The following TRAIP variants were observed in gnomAD, a reference collection of about 807,000 sequenced individuals.
The protein encoded by TRAIP is TRAF interacting protein, also known as E3 ubiquitin-protein ligase TRAIP.
A neutral mutation model predicts 65.0 loss-of-function variants in TRAIP; 37 were observed. The observed-to-expected ratio is 0.57, with a 90% CI of 0.44 to 0.75. The LOEUF (loss-of-function observed/expected upper bound fraction) is 0.75. Among genes scored for constraint, TRAIP ranks in the 30% least tolerant of loss-of-function variants. The pLI is 0.00. For missense variants in TRAIP, 481 were observed against 579.4 expected (o/e 0.83, Z 1.74); for synonymous variants, 187 against 219.1 (o/e 0.85, Z 1.29).
Position 49,844,133 on chromosome 3 carries a change from CT to C in TRAIP, c.281-206del, listed in dbSNP as rs1209169859. 1.1e-5 allele frequency: 7 copies of C among 650,836 alleles called. No individual in the cohort carries two copies. In the Admixed American group the frequency reaches 2.1e-4, roughly 19 times the overall value. The allele number at this position is 650,836 out of a possible 1,614,324, so 40.3% of individuals were successfully genotyped here. On this transcript the variant is annotated intron_variant, in intron 4 of 14. Transcript: ENST00000331456. ...AGCCTTCATTCAGGGAAAAGCCCAC[CT>C]TCTGCTGCTTGAACTACTTAGGAAA...
At chr3:49,834,187 G>A (rs2081760892) in intron 10 of TRAIP, among the ~76,000 whole-genome samples, 2 of 152,190 alleles carry the variant, frequency 1.3e-5, no homozygotes, top group African/African-American at 4.8e-5. Flanking sequence ...TCTCTAGCCT[G>A]GAGTTCAGGG....
At chr3:49,844,201 G>A (rs2081864027) in intron 4 of TRAIP, among the ~76,000 whole-genome samples, 1 of 152,090 alleles carries the variant, frequency 6.6e-6, no homozygotes, top group Non-Finnish European at 1.5e-5. Flanking sequence ...GGTCCAGTTA[G>A]TTCATCAACC....
chr3:49,829,221 T>G lies in TRAIP; in HGVS notation c.1292A>C (p.Asp431Ala). Residue 431 changes from aspartate to alanine, a missense_variant, in exon 15 of 15, where the codon GAC becomes GCC. Coordinates refer to ENST00000331456, the MANE Select transcript of TRAIP (RefSeq NM_005879.3). ...GGRTKFIQPT[D>A]TVMIRPLPVK... ...AGGCAATGGGCGGATCATGACTGTGTCAGTCTGGAGGAGCTGTCAAGGAAG... is the reference window on the plus strand; with the variant it reads ...AGGCAATGGGCGGATCATGACTGTGGCAGTCTGGAGGAGCTGTCAAGGAAG... The G allele has an allele frequency of 6.2e-7, 1 of 1,614,186 alleles. No homozygotes were observed. Among genetic ancestry groups the G allele is most frequent in the Non-Finnish European group, 8.5e-7 (1 of 1,180,042 alleles).
At position 49,830,519 on chromosome 3, in the gene TRAIP, C is replaced by A. The variant is rs2081722244; in HGVS notation, c.1038-451G>T. 1.3e-5 allele frequency among the ~76,000 whole-genome samples: 2 copies of A among 152,184 alleles called. 1 individual carries two copies. Among genetic ancestry groups the A allele is most frequent in the South Asian group, 4.1e-4 (2 of 4,830 alleles). On this transcript the variant is annotated intron_variant, in intron 11 of 14. Coordinates refer to ENST00000331456, the MANE Select transcript of TRAIP (RefSeq NM_005879.3). ...GGGGACACTACCTCCACGAGAGCCT[C>A]AGTAAGTTAGCCTTTCAGTAAAGTA...
At chr3:49,830,932 C>T (rs2081726589) in intron 11 of TRAIP, among the ~76,000 whole-genome samples, 1 of 152,208 alleles carries the variant, frequency 6.6e-6, no homozygotes, top group Non-Finnish European at 1.5e-5. Context: ...TTCACTACCT[C>T]CACAGGCCAT....
intron 10 of TRAIP, among the ~76,000 whole-genome samples, chr3:49,838,427 T>C (rs2081806686): frequency 6.6e-6 from 1 of 152,218 alleles, no homozygotes; most frequent in Admixed American, 6.5e-5. Flanking sequence ...TATAATGTAG[T>C]ATATAGCTGG....
chr3:49,839,529 G>C (rs2081818933), intron 10 of TRAIP, among the ~76,000 whole-genome samples: 1 of 152,222 alleles, frequency 6.6e-6, no homozygotes, highest in Admixed American at 6.5e-5. Context: ...AAGACAGTCA[G>C]TGCTTCTGCC....
At chr3:49,837,186 A>G (rs988876268) in intron 10 of TRAIP, among the ~76,000 whole-genome samples, 2 of 152,136 alleles carry the variant, frequency 1.3e-5, no homozygotes, top group Non-Finnish European at 2.9e-5. Context: ...GGTCACTTGT[A>G]GTTCTGAGGG....
chr3:49,854,239 C>G (rs985270603), intron 1 of TRAIP, among the ~76,000 whole-genome samples: 1 of 152,140 alleles, frequency 6.6e-6, no homozygotes, highest in Admixed American at 6.6e-5. Flanking sequence ...GCAGGAGGAT[C>G]GCTTGAGTCC....
chr3:49,842,637 T>TGGA, intron 5 of TRAIP, 90 bp from the exon 6 acceptor site: 2 of 1,224,810 alleles, frequency 1.6e-6, no homozygotes, highest in Non-Finnish European at 1.2e-6. Context: ...CAGAACTCTC[T>TGGA]GCAGCTTATG....
chr3:49,847,841 G>C (rs1335955053), intron 2 of TRAIP, among the ~76,000 whole-genome samples: 1 of 152,166 alleles, frequency 6.6e-6, no homozygotes. Context: ...AGACCTACAC[G>C]GTTAAGTGCT....
chr3:49,829,084 T>C lies in TRAIP; in HGVS notation c.*19A>G, dbSNP rs758283329. ...CAAGTTGCAGGCATGTGTCTGGCCA[T>C]TGGTCAGACTCACTGTTCTCACGAC... On this transcript the variant is annotated 3_prime_UTR_variant, in exon 15 of 15. Coordinates refer to ENST00000331456, the MANE Select transcript of TRAIP (RefSeq NM_005879.3). 9 of 1,613,986 alleles carry C rather than the reference T, an allele frequency of 5.6e-6. No individual in the cohort carries two copies. In the East Asian group the frequency reaches 1.6e-4, roughly 28 times the overall value.
At chr3:49,837,069 C>T (rs559767675) in intron 10 of TRAIP, among the ~76,000 whole-genome samples, 12 of 150,070 alleles carry the variant, frequency 8.0e-5, no homozygotes, top group Admixed American at 4.0e-4. Flanking sequence ...GTGATCCTCT[C>T]ACCTCAGCCT....
chr3:49,830,492 G>T (rs1215710647), intron 11 of TRAIP, among the ~76,000 whole-genome samples: 1 of 152,200 alleles, frequency 6.6e-6, no homozygotes, highest in Non-Finnish European at 1.5e-5. Flanking sequence ...TCTTCCCAGA[G>T]AGGGGACACT....
At chr3:49,849,343 T>C (rs1252558663) in intron 1 of TRAIP, among the ~76,000 whole-genome samples, 3 of 139,018 alleles carry the variant, frequency 2.2e-5, no homozygotes, top group Non-Finnish European at 3.1e-5. Flanking sequence ...AAAAAAAGAG[T>C]GGCCGGGCGC....
chr3:49,829,229 G>A lies in TRAIP; in HGVS notation c.1288-4C>T, dbSNP rs146485772. 108 of 1,614,224 alleles carry A rather than the reference G, an allele frequency of 6.7e-5. No individual in the cohort carries two copies. The African/African-American group carries it at 8.0e-4, about 12-fold the overall frequency. On this transcript the variant is annotated splice_region_variant and splice_polypyrimidine_tract_variant and intron_variant, in intron 14 of 14. Transcript: ENST00000331456. ...GGCGGATCATGACTGTGTCAGTCTG[G>A]AGGAGCTGTCAAGGAAGAGGCATGG...
rs771502281 is a variant in TRAIP, at chr3:49,831,907, A to G, written c.1037+9T>C. 3.9e-6 allele frequency: 6 copies of G among 1,557,610 alleles called. No individual in the cohort carries two copies. The highest frequency in any genetic ancestry group is 2.4e-5 in the East Asian group (1 of 41,930). ...CAGCCCATGGACAGTGCCAGCGACT[A>G]TCACTCACTGTGACTTCTCTAGGCA... On this transcript the variant is annotated intron_variant, in intron 11 of 14. Coordinates refer to ENST00000331456, the MANE Select transcript of TRAIP (RefSeq NM_005879.3).
intron 2 of TRAIP, 21 bp downstream of exon 2, chr3:49,848,114 TTGAGGTGG>T: frequency 6.2e-7 from 1 of 1,613,294 alleles, no homozygotes; most frequent in East Asian, 2.2e-5. Flanking sequence ...ATCTCTTCAG[TTGAGGTGG>T]TCCCACCCCA....
chr3:49,829,311 AG>A (rs2081710807), intron 14 of TRAIP, 86 bp from the exon 15 acceptor site: 2 of 1,612,754 alleles, frequency 1.2e-6, no homozygotes, highest in South Asian at 2.2e-5. Context: ...AGAAAGGCTC[AG>A]AGCCGGGGGT....
Sources: gnomAD v4.1 joint callset for allele counts (sites outside exome capture counted in the v4.1 genomes callset) on GRCh38, gnomAD v4.1.1 for gene constraint, MANE v1.5 for transcripts, NCBI Gene and HGNC (gene_info 2026-07-23, HGNC 2026-07-21) for gene names.